DSC1: variants seen among roughly 807,000 people sequenced by gnomAD.
The protein encoded by DSC1 is desmocollin-1.
A neutral mutation model predicts 98.8 loss-of-function variants in DSC1; 79 were observed. The observed-to-expected ratio is 0.80, with a 90% CI of 0.67 to 0.96. DSC1 has a LOEUF of 0.96. DSC1 is among the 50% of genes least tolerant of loss of function. The probability of loss-of-function intolerance (pLI) is 0.00; values close to 1 mark genes in which losing one functional copy is unlikely to be tolerated. For synonymous variants in DSC1, 405 were observed against 372.1 expected, an observed-to-expected ratio of 1.09 and a Z score of -1.02; for missense variants, 1,115 against 1,075.9, an observed-to-expected ratio of 1.04 and a Z score of -0.51.
rs759549578 is a variant in DSC1, at chr18:31,140,239, T to A, written c.1323A>T (p.Gln441His). ...TTTGTGAGCTCGCTGCTTTAGAGAA[T>A]TGTGCCTCGTTAATGACACCAACTT... Reference protein sequence around the residue: ...ILQVGVINEAQFSKAASSQTP... With the variant: ...ILQVGVINEAHFSKAASSQTP... The change falls in exon 10 of 16, where the codon CAA (glutamine) becomes CAT (histidine). Residue 441 changes from glutamine to histidine, a missense_variant. Physicochemically the swap from Gln to His is conservative, Grantham distance 24. Transcript: ENST00000257198. 6.2e-7 allele frequency: 1 copy of A among 1,614,058 alleles called. No individual in the cohort carries two copies. Among genetic ancestry groups the A allele is most frequent in the South Asian group, 1.1e-5 (1 of 91,078 alleles).
At position 31,131,807 on chromosome 18, in the gene DSC1, G is replaced by A. The variant is rs760333774; in HGVS notation, c.2274C>T (p.Asn758=). The A allele has an allele frequency of 2.5e-6, 4 of 1,614,082 alleles. No homozygotes were observed. The highest frequency in any genetic ancestry group is 3.4e-6 in the Non-Finnish European group (4 of 1,179,972). ...CAACAGACATGCTTGTGTCACAAAT[G>A]TTGGATGTCTGCATGGGGAGTCTAA... ...ANIRLPMQTS[N]ICDTSMSVGT... The change falls in exon 15 of 16, where the codon AAC becomes AAT. Residue 758 remains asparagine, a synonymous_variant. Coordinates refer to ENST00000257198, the MANE Select transcript of DSC1 (RefSeq NM_024421.2).
At position 31,130,353 on chromosome 18, in the gene DSC1, G is replaced by A. The variant is rs186463687; in HGVS notation, c.*161C>T. Reference sequence around the variant, plus strand: ...TCTAGAGAACATGGAAGTTATACCAGACAAGGAGAATGTAGGGGAATCTCA... The same window carrying A: ...TCTAGAGAACATGGAAGTTATACCAAACAAGGAGAATGTAGGGGAATCTCA... On this transcript the variant is annotated 3_prime_UTR_variant, in exon 16 of 16. Transcript: ENST00000257198. 4.4e-5 allele frequency: 32 copies of A among 731,610 alleles called. No homozygotes were observed. The highest frequency in any genetic ancestry group is 7.7e-4 in the Middle Eastern group (2 of 2,600). 45.3% of individuals were successfully genotyped at this position (731,610 alleles called of 1,614,324 possible).
chr18:31,142,234 G>T, intron 8 of DSC1, 50 bp from the exon 9 acceptor site: 1 of 1,550,852 alleles, frequency 6.4e-7, no homozygotes. Context: ...TGACAATGTA[G>T]CTTTATATTC....
chr18:31,142,330 G>A lies in DSC1; in HGVS notation c.1075-146C>T, dbSNP rs551993122. 1.2e-5 allele frequency: 10 copies of A among 808,898 alleles called. No homozygotes were observed. In the East Asian group the frequency reaches 2.9e-4, roughly 24 times the overall value. The allele number at this position is 808,898 out of a possible 1,614,324, so 50.1% of individuals were successfully genotyped here. A position where few individuals can be genotyped will look rare whatever the true frequency, so the allele number is the denominator to read the frequency against. ...TGGGGAAACATTTTACAAATTTAAT[G>A]CGTAGCTTAGTTCTTTCCTCCTGAA... On this transcript the variant is annotated intron_variant, in intron 8 of 15. Coordinates refer to ENST00000257198, the MANE Select transcript of DSC1 (RefSeq NM_024421.2).
intron 5 of DSC1, among the ~76,000 whole-genome samples, chr18:31,151,866 T>C (rs1989005727): frequency 6.6e-6 from 1 of 151,840 alleles, no homozygotes; most frequent in East Asian, 1.9e-4. Context: ...GAAGAGAAAA[T>C]AAACATTACA....
At position 31,131,949 on chromosome 18, in the gene DSC1, G is replaced by A; in HGVS notation, c.2239-107C>T. The stretch of plus-strand genomic sequence containing the variant: ...AATCACTTGCCTGCTGTGCCTCTCT[G>A]TTCCTCATACATAAAATCAGAATAA... On this transcript the variant is annotated intron_variant, in intron 14 of 15. Coordinates refer to ENST00000257198, the MANE Select transcript of DSC1 (RefSeq NM_024421.2). 2.4e-6 allele frequency: 3 copies of A among 1,271,182 alleles called. No homozygotes were observed. In the Admixed American group the frequency reaches 6.6e-5, roughly 28 times the overall value. The allele number at this position is 1,271,182 out of a possible 1,614,324, so 78.7% of individuals were successfully genotyped here. A position where few individuals can be genotyped will look rare whatever the true frequency, so the allele number is the denominator to read the frequency against.
intron 5 of DSC1, among the ~76,000 whole-genome samples, chr18:31,152,616 A>C (rs1989023119): frequency 6.6e-6 from 1 of 152,114 alleles, no homozygotes; most frequent in African/African-American, 2.4e-5. Context: ...GTATTACGGC[A>C]TTTAATGATC....
chr18:31,153,247 T>C (rs1305022245), intron 5 of DSC1, among the ~76,000 whole-genome samples: 1 of 152,122 alleles, frequency 6.6e-6, no homozygotes, highest in Non-Finnish European at 1.5e-5. Flanking sequence ...TATTGCAACA[T>C]ACAGAGTATG....
chr18:31,132,397 C>A, intron 14 of DSC1, 171 bp downstream of exon 14: 2 of 806,386 alleles, frequency 2.5e-6, no homozygotes, highest in East Asian at 5.5e-5. Flanking sequence ...CAGCCCTAGC[C>A]CTGTAGAATT....
intron 7 of DSC1, 81 bp downstream of exon 7, chr18:31,145,530 G>T: frequency 1.3e-6 from 2 of 1,497,504 alleles, no homozygotes; most frequent in Non-Finnish European, 1.8e-6. Context: ...GGCCAGACTG[G>T]CCATATTGCA....
rs889591386 is a variant in DSC1, at chr18:31,139,973, A to T, written c.1520+69T>A. ...ATCTGTCATTTTGAAAAATACATAAAACATTCATAACTTTAAAAACAATTT... is the reference window on the plus strand; with the variant it reads ...ATCTGTCATTTTGAAAAATACATAATACATTCATAACTTTAAAAACAATTT... On this transcript the variant is annotated intron_variant, in intron 10 of 15. Coordinates refer to ENST00000257198, the MANE Select transcript of DSC1 (RefSeq NM_024421.2). 8.9e-6 allele frequency: 14 copies of T among 1,565,146 alleles called. No homozygotes were observed. The African/African-American group carries it at 1.8e-4, about 20-fold the overall frequency.
intron 8 of DSC1, 121 bp from the exon 9 acceptor site, chr18:31,142,305 TG>T (rs1988755251): frequency 3.9e-6 from 4 of 1,018,730 alleles, no homozygotes; most frequent in Non-Finnish European, 4.2e-6. Context: ...CCTCACTATA[TG>T]GGGAAACATT....
intron 14 of DSC1, 32 bp from the exon 15 acceptor site, chr18:31,131,874 T>G: frequency 6.2e-7 from 1 of 1,606,658 alleles, no homozygotes; most frequent in Non-Finnish European, 8.5e-7. Context: ...TAAAGTGAAT[T>G]TGAAAAATGG....
chr18:31,162,647 G>T lies in DSC1; in HGVS notation c.-53C>A. ...GTGGCCAGATAACAGGGCAGCCTGGGATGCACAGAGCGGCTAAGAAGACGC... is the reference window on the plus strand; with the variant it reads ...GTGGCCAGATAACAGGGCAGCCTGGTATGCACAGAGCGGCTAAGAAGACGC... On this transcript the variant is annotated 5_prime_UTR_variant, in exon 1 of 16. Coordinates refer to ENST00000257198, the MANE Select transcript of DSC1 (RefSeq NM_024421.2). 1.3e-6 allele frequency: 2 copies of T among 1,543,162 alleles called. No homozygotes were observed. The highest frequency in any genetic ancestry group is 1.8e-6 in the Non-Finnish European group (2 of 1,116,000).
intron 6 of DSC1, 85 bp downstream of exon 6, chr18:31,148,413 T>C: frequency 7.1e-7 from 1 of 1,403,896 alleles, no homozygotes; most frequent in Non-Finnish European, 9.4e-7. Context: ...TAAAATGCAA[T>C]GATAAAACGT....
Position 31,132,708 on chromosome 18 carries a change from C to G in DSC1, c.2117-19G>C. ...AGAATACCTAAAAAGCAAAAAAGATCAAAGTAAAACACAGACATTAAATCA... is the reference window on the plus strand; with the variant it reads ...AGAATACCTAAAAAGCAAAAAAGATGAAAGTAAAACACAGACATTAAATCA... On this transcript the variant is annotated intron_variant, in intron 13 of 15. Transcript: ENST00000257198. The G allele has an allele frequency of 6.2e-7, 1 of 1,601,918 alleles. No individual in the cohort carries two copies. The highest frequency in any genetic ancestry group is 8.5e-7 in the Non-Finnish European group (1 of 1,173,802).
At position 31,159,546 on chromosome 18, in the gene DSC1, GA is replaced by G. The variant is rs754060789; in HGVS notation, c.64-18del. The G allele has an allele frequency of 8.4e-6, 7 of 828,742 alleles. No individual in the cohort carries two copies. Among genetic ancestry groups the G allele is most frequent in the Admixed American group, 8.3e-5 (3 of 36,170 alleles). 51.3% of individuals were successfully genotyped at this position (828,742 alleles called of 1,614,324 possible). Reference sequence around the variant, plus strand: ...TGTTAAAACCTCAAAAAAAAAAAAAGAAAAAATATCAGGAATTAAATTTGAT... The same window carrying G: ...TGTTAAAACCTCAAAAAAAAAAAAAGAAAAATATCAGGAATTAAATTTGAT... On this transcript the variant is annotated intron_variant, in intron 1 of 15. Transcript: ENST00000257198.
chr18:31,152,550 A>T (rs1989021319), intron 5 of DSC1, among the ~76,000 whole-genome samples: 1 of 152,238 alleles, frequency 6.6e-6, no homozygotes, highest in African/African-American at 2.4e-5. Context: ...TGTATTGTTA[A>T]ATCTACCATT....
At chr18:31,159,047 G>GTTTTTTTTTTTGTTTTT (rs1555646387) in intron 2 of DSC1, among the ~76,000 whole-genome samples, 1 of 71,098 alleles carries the variant, frequency 1.4e-5, no homozygotes, top group African/African-American at 5.8e-5. Flanking sequence ...CTACTATGTG[G>GTTTTTTTTTTTGTTTTT]TTTTTTTTTT....
Sources: allele counts gnomAD v4.1 joint callset (sites outside exome capture counted in the v4.1 genomes callset), GRCh38; gene constraint gnomAD v4.1.1; transcripts MANE v1.5; gene names NCBI Gene and HGNC (gene_info 2026-07-23, HGNC 2026-07-21).